Variants in PCDHA10 observed in about 807,000 individuals in gnomAD.
PCDHA10 encodes the protein protocadherin alpha 10.
In PCDHA10, 45 loss-of-function variants were observed where a neutral mutation model predicts 61.2. The ratio of observed to expected loss-of-function variants is 0.74; its 90% confidence interval spans 0.58 to 0.94. PCDHA10 has a LOEUF of 0.94. Among genes scored for constraint, PCDHA10 ranks in the 40% least tolerant of loss-of-function variants. The probability of loss-of-function intolerance (pLI) is 0.00; values close to 1 mark genes in which losing one functional copy is unlikely to be tolerated. For missense variants in PCDHA10, 1,278 were observed against 1,236.2 expected, an observed-to-expected ratio of 1.03 and a Z score of -0.51; for synonymous variants, 602 against 548.8, an observed-to-expected ratio of 1.10 and a Z score of -1.35.
chr5:140,884,490 G>A (rs2060210547), intron 1 of PCDHA10: 1 of 1,614,064 alleles, frequency 6.2e-7, no homozygotes, highest in Non-Finnish European at 8.5e-7. Flanking sequence ...ACTCTAGTGT[G>A]CTCCAGCGCG....
chr5:141,000,393 C>CTATAAATATATA (rs1563650230), intron 3 of PCDHA10, among the ~76,000 whole-genome samples: 1 of 52,856 alleles, frequency 1.9e-5, no homozygotes, highest in African/African-American at 9.2e-5. Flanking sequence ...CTCTCTCTCT[C>CTATAAATATATA]TCTATATATA....
intron 1 of PCDHA10, among the ~76,000 whole-genome samples, chr5:140,881,865 T>C (rs1380240082): frequency 6.6e-6 from 1 of 152,222 alleles, no homozygotes; most frequent in Non-Finnish European, 1.5e-5. Flanking sequence ...AATAAATTTG[T>C]GGCAAAATGA....
Position 140,857,986 on chromosome 5 carries a change from A to C in PCDHA10, c.1938A>C (p.Leu646=). 6.3e-7 allele frequency: 1 copy of C among 1,596,686 alleles called. No homozygotes were observed. Among genetic ancestry groups the C allele is most frequent in the South Asian group, 1.1e-5 (1 of 90,454 alleles). Residue 646 remains leucine, a synonymous_variant, in exon 1 of 4, where the codon CTA becomes CTC. Transcript: ENST00000307360. ...AGACTGACTCGCCACGCCAGCGCCT[A>C]CTGGTGCTGGTGAAGGACCATGGCG... ...LDETDSPRQR[L]LVLVKDHGEP...
At chr5:140,943,237 C>T (rs1364015851) in intron 1 of PCDHA10, among the ~76,000 whole-genome samples, 1 of 121,190 alleles carries the variant, frequency 8.3e-6, no homozygotes, top group African/African-American at 3.3e-5. Flanking sequence ...CAGCCTGGGT[C>T]ACAGAGTGAG....
At chr5:140,966,874 A>C (rs782520756) in intron 1 of PCDHA10, 275 of 1,584,454 alleles carry the variant, frequency 1.7e-4, no homozygotes, top group Non-Finnish European at 2.3e-4. Flanking sequence ...TGCTGCTGCT[A>C]CCTGGCCCTG....
intron 1 of PCDHA10, chr5:140,875,516 T>C: frequency 6.2e-7 from 1 of 1,613,976 alleles, no homozygotes; most frequent in Non-Finnish European, 8.5e-7. Context: ...CAGCGTCTGC[T>C]GCTCTCGCTT....
Position 141,009,737 on chromosome 5 carries a change from C to T in PCDHA10, c.2647C>T (p.Pro883Ser). The T allele has an allele frequency of 6.2e-7, 1 of 1,614,130 alleles. No homozygotes were observed. The highest frequency in any genetic ancestry group is 8.5e-7 in the Non-Finnish European group (1 of 1,180,024). Residue 883 changes from proline (P) to serine (S), a missense_variant, in exon 4 of 4, where the codon CCC becomes TCC. Physicochemically the swap from Pro to Ser is moderately conservative, Grantham distance 74 (BLOSUM62 -1). Coordinates refer to ENST00000307360, the MANE Select transcript of PCDHA10 (RefSeq NM_018901.4). ...NPKQSGPGEL[P>S]DKFIIPGSPA... Reference sequence around the variant, plus strand: ...CAAACAATCCGGTCCCGGTGAGTTGCCCGACAAATTCATTATCCCAGGATC... The same window carrying T: ...CAAACAATCCGGTCCCGGTGAGTTGTCCGACAAATTCATTATCCCAGGATC...
intron 1 of PCDHA10, chr5:140,884,468 C>T (rs925441051): frequency 2.5e-6 from 4 of 1,613,762 alleles, no homozygotes; most frequent in Non-Finnish European, 3.4e-6. Flanking sequence ...CGCGTGCGCG[C>T]CGGGCAAGCC....
At chr5:140,993,460 TCTCACA>T (rs782519654) in intron 3 of PCDHA10, among the ~76,000 whole-genome samples, 239 of 104,566 alleles carry the variant, frequency 2.3e-3, no homozygotes, top group Admixed American at 6.0e-3. Context: ...CTTCTTTCTT[TCTCACA>T]CACACACACA....
chr5:140,939,956 A>G (rs2092504641), intron 1 of PCDHA10, among the ~76,000 whole-genome samples: 1 of 152,234 alleles, frequency 6.6e-6, no homozygotes, highest in Non-Finnish European at 1.5e-5. Context: ...AAATTATGTT[A>G]AAGTGTTCCA....
Position 140,892,397 on chromosome 5 carries a change from T to C in PCDHA10, c.2388+33961T>C, listed in dbSNP as rs554853881. On this transcript the variant is annotated intron_variant, in intron 1 of 3. Coordinates refer to ENST00000307360, the MANE Select transcript of PCDHA10 (RefSeq NM_018901.4). ...GCAATCATGGGTAATCTTAATCTAT[T>C]TCAAGCTTCAGGTATTCTAGATAAA... is the stretch of plus-strand genomic sequence containing the variant. Among the ~76,000 whole-genome samples the C allele has an allele frequency of 2.0e-5, 3 of 152,326 alleles. No homozygotes were observed. The South Asian group carries it at 6.2e-4, about 32-fold the overall frequency.
At chr5:140,969,045 C>A (rs782611179) in intron 1 of PCDHA10, 1 of 1,614,090 alleles carries the variant, frequency 6.2e-7, no homozygotes, top group Admixed American at 1.7e-5. Context: ...TACAAACAAG[C>A]CAACAACAAT....
intron 1 of PCDHA10, among the ~76,000 whole-genome samples, chr5:140,937,150 G>A (rs2153631833): frequency 6.7e-6 from 1 of 149,812 alleles, no homozygotes; most frequent in East Asian, 2.0e-4. Context: ...CCATTCTCCT[G>A]CCTCAGCCTC....
In PCDHA10 at chr5:141,009,914, A is replaced by T; in HGVS notation, c.2824A>T (p.Thr942Ser). The change falls in exon 4 of 4, where the codon ACG (threonine) becomes TCG (serine). Residue 942 changes from threonine (T) to serine (S), a missense_variant. Thr to Ser is a moderately conservative substitution (Grantham distance 58). Coordinates refer to ENST00000307360, the MANE Select transcript of PCDHA10 (RefSeq NM_018901.4). ...GGAGAAAAAAGAGAAAGGGAACAGCACGACTGACAACAGTGACCAGTGAGG... is the reference window on the plus strand; with the variant it reads ...GGAGAAAAAAGAGAAAGGGAACAGCTCGACTGACAACAGTGACCAGTGAGG... ...TQEKKEKGNSTTDNSDQ is the reference protein window; with the variant it reads ...TQEKKEKGNSSTDNSDQ The T allele has an allele frequency of 6.2e-7, 1 of 1,611,466 alleles. No homozygotes were observed. The highest frequency in any genetic ancestry group is 8.5e-7 in the Non-Finnish European group (1 of 1,179,328).
intron 1 of PCDHA10, among the ~76,000 whole-genome samples, chr5:140,911,641 C>A (rs1403591383): frequency 6.6e-6 from 1 of 152,174 alleles, no homozygotes; most frequent in East Asian, 1.9e-4. Flanking sequence ...AAAGGTATTA[C>A]ATATAGAGTT....
intron 1 of PCDHA10, chr5:140,869,064 A>G (rs782442864): frequency 1.9e-6 from 3 of 1,559,452 alleles, no homozygotes; most frequent in East Asian, 4.5e-5. Flanking sequence ...TGGTACTGTA[A>G]GTGTAAAGAA....
At chr5:140,869,163 C>T in intron 1 of PCDHA10, 1 of 1,613,910 alleles carries the variant, frequency 6.2e-7, no homozygotes, top group Non-Finnish European at 8.5e-7. Flanking sequence ...GGCTTCTCCT[C>T]CTCGAATTCT....
intron 1 of PCDHA10, among the ~76,000 whole-genome samples, chr5:140,905,776 G>A (rs190550917): frequency 2.4e-3 from 372 of 152,186 alleles, no homozygotes; most frequent in Non-Finnish European, 4.1e-3. Context: ...ATTCCGAAGT[G>A]TATTAGTCAG....
At chr5:140,929,192 A>C (rs1367500775) in intron 1 of PCDHA10, 1 of 1,614,124 alleles carries the variant, frequency 6.2e-7, no homozygotes, top group Non-Finnish European at 8.5e-7. Context: ...TCTGATAATA[A>C]CAGTTTGCTG....
Sources: allele counts gnomAD v4.1 joint callset (sites outside exome capture counted in the v4.1 genomes callset), GRCh38; gene constraint gnomAD v4.1.1; transcripts MANE v1.5; gene names NCBI Gene and HGNC (gene_info 2026-07-23, HGNC 2026-07-21).